Variants in CNTNAP2 observed in about 807,000 individuals in gnomAD.
CNTNAP2 encodes contactin-associated protein-like 2.
CNTNAP2 carries 98 observed loss-of-function variants against 155.2 expected under a neutral mutation model. That is an observed-to-expected ratio of 0.63 (90% confidence interval 0.54 to 0.75). CNTNAP2 has a LOEUF of 0.75. Among genes scored for constraint, CNTNAP2 ranks in the 30% least tolerant of loss-of-function variants. The probability of loss-of-function intolerance (pLI) is 0.00; values close to 1 mark genes in which losing one functional copy is unlikely to be tolerated. For missense variants in CNTNAP2, 1,727 were observed against 1,688.1 expected, an observed-to-expected ratio of 1.02 and a Z score of -0.40; for synonymous variants, 651 against 631.2, an observed-to-expected ratio of 1.03 and a Z score of -0.47.
intron 8 of CNTNAP2, among the ~76,000 whole-genome samples, chr7:147,137,873 G>GTAGA (rs57215903): frequency 0.22 from 30,694 of 139,950 alleles, 3,224 homozygotes; most frequent in Admixed American, 0.27. Context: ...AGATAGATAC[G>GTAGA]TAGATAGATA....
At chr7:148,048,937 C>T (rs1299777905) in intron 15 of CNTNAP2, among the ~76,000 whole-genome samples, 1 of 151,908 alleles carries the variant, frequency 6.6e-6, no homozygotes, top group Non-Finnish European at 1.5e-5. Flanking sequence ...CTAGGCCGGG[C>T]GTGGTGGCTC....
intron 19 of CNTNAP2, among the ~76,000 whole-genome samples, chr7:148,224,893 C>T (rs564808810): frequency 3.3e-5 from 5 of 152,158 alleles, no homozygotes; most frequent in Non-Finnish European, 5.9e-5. Flanking sequence ...CTCATCACAA[C>T]TCAGTCACTA....
At chr7:146,639,560 A>G (rs565992336) in intron 1 of CNTNAP2, among the ~76,000 whole-genome samples, 1 of 152,186 alleles carries the variant, frequency 6.6e-6, no homozygotes, top group Admixed American at 6.5e-5. Flanking sequence ...ACTACCATTT[A>G]CTATGATACA....
intron 3 of CNTNAP2, among the ~76,000 whole-genome samples, chr7:147,034,901 T>G (rs1799118700): frequency 6.6e-6 from 1 of 151,880 alleles, no homozygotes; most frequent in Non-Finnish European, 1.5e-5. Flanking sequence ...AGGGCCAGAG[T>G]GGTCTTAGAA....
intron 2 of CNTNAP2, among the ~76,000 whole-genome samples, chr7:146,811,084 C>T (rs528623302): frequency 6.6e-6 from 1 of 152,136 alleles, no homozygotes; most frequent in African/African-American, 2.4e-5. Flanking sequence ...GAAGTATTGG[C>T]CAGTGATTTT....
chr7:146,473,805 C>T (rs576008112), intron 1 of CNTNAP2, among the ~76,000 whole-genome samples: 18 of 152,252 alleles, frequency 1.2e-4, no homozygotes, highest in African/African-American at 4.1e-4. Flanking sequence ...ATACAGTCTC[C>T]TGGGTCCCAC....
At chr7:147,306,562 A>T (rs963527980) in intron 9 of CNTNAP2, among the ~76,000 whole-genome samples, 2 of 152,242 alleles carry the variant, frequency 1.3e-5, no homozygotes, top group Non-Finnish European at 2.9e-5. Flanking sequence ...TTTGTGTAAA[A>T]AAACAAAGTG....
chr7:147,829,152 T>C (rs1482781193), intron 13 of CNTNAP2, among the ~76,000 whole-genome samples: 2 of 152,208 alleles, frequency 1.3e-5, no homozygotes, highest in Non-Finnish European at 2.9e-5. Context: ...CAGAACATAA[T>C]GCAGATTTTT....
chr7:146,231,870 T>C (rs1159933193), intron 1 of CNTNAP2, among the ~76,000 whole-genome samples: 1 of 152,212 alleles, frequency 6.6e-6, no homozygotes, highest in East Asian at 1.9e-4. Context: ...ACTTCTCTTG[T>C]CCATTTGTGC....
At chr7:147,822,650 G>C (rs1165291251) in intron 13 of CNTNAP2, among the ~76,000 whole-genome samples, 1 of 152,112 alleles carries the variant, frequency 6.6e-6, no homozygotes, top group Non-Finnish European at 1.5e-5. Flanking sequence ...GTCCTTGACT[G>C]ATTCCACTGC....
At chr7:147,545,640 A>G (rs556673141) in intron 11 of CNTNAP2, among the ~76,000 whole-genome samples, 29 of 152,244 alleles carry the variant, frequency 1.9e-4, no homozygotes, top group African/African-American at 7.0e-4. Flanking sequence ...TGTGATGTCC[A>G]TGTCCTTCCA....
intron 3 of CNTNAP2, among the ~76,000 whole-genome samples, chr7:146,943,163 G>A (rs1020760055): frequency 3.3e-5 from 5 of 152,096 alleles, no homozygotes; most frequent in Non-Finnish European, 5.9e-5. Flanking sequence ...GTCAATTAAC[G>A]TGTATTTTAT....
intron 9 of CNTNAP2, chr7:147,378,032 T>A: frequency 2.1e-6 from 1 of 468,374 alleles, no homozygotes; most frequent in South Asian, 1.6e-5. Context: ...ATTCTATTAA[T>A]ATTGTTCCAA....
intron 1 of CNTNAP2, among the ~76,000 whole-genome samples, chr7:146,239,933 ATATAT>A (rs995929369): frequency 1.8e-4 from 28 of 152,186 alleles, no homozygotes; most frequent in Admixed American, 1.6e-3. Context: ...AAAAACTAAA[ATATAT>A]TATAAATTCT....
intron 1 of CNTNAP2, among the ~76,000 whole-genome samples, chr7:146,543,710 C>T (rs973917419): frequency 1.3e-5 from 2 of 151,888 alleles, no homozygotes; most frequent in African/African-American, 4.8e-5. Flanking sequence ...GATATTCCTT[C>T]TGTCATTCAT....
At chr7:147,769,943 A>G (rs1797443513) in intron 13 of CNTNAP2, among the ~76,000 whole-genome samples, 1 of 152,184 alleles carries the variant, frequency 6.6e-6, no homozygotes, top group Admixed American at 6.5e-5. Context: ...GTATAGACTC[A>G]GGAAATGTTA....
At chr7:146,387,676 G>A (rs1795479813) in intron 1 of CNTNAP2, among the ~76,000 whole-genome samples, 1 of 152,132 alleles carries the variant, frequency 6.6e-6, no homozygotes, top group South Asian at 2.1e-4. Flanking sequence ...CCATCAGGCT[G>A]TGCACCTTCT....
At chr7:147,558,651 T>G (rs77629663) in intron 11 of CNTNAP2, among the ~76,000 whole-genome samples, 1,781 of 152,278 alleles carry the variant, frequency 0.012, 34 homozygotes, top group African/African-American at 0.04. Context: ...AGCACAATAA[T>G]TGTTATACTT....
At chr7:147,909,144 A>C (rs950625443) in intron 14 of CNTNAP2, among the ~76,000 whole-genome samples, 1 of 152,216 alleles carries the variant, frequency 6.6e-6, no homozygotes, top group Admixed American at 6.5e-5. Flanking sequence ...TACTTTCAAA[A>C]AATTACAGTA....
Sources: gnomAD v4.1 joint callset for allele counts (sites outside exome capture counted in the v4.1 genomes callset) on GRCh38, gnomAD v4.1.1 for gene constraint, MANE v1.5 for transcripts, NCBI Gene and HGNC (gene_info 2026-07-23, HGNC 2026-07-21) for gene names.